Variants in MACROD2 observed in about 807,000 individuals in gnomAD.
The protein encoded by MACROD2 is mono-ADP ribosylhydrolase 2.
In MACROD2, 36 loss-of-function variants were observed where a neutral mutation model predicts 70.4. That is an observed-to-expected ratio of 0.51 (90% CI 0.39 to 0.68). The LOEUF is 0.68. MACROD2 is among the 30% of genes least tolerant of loss of function. The pLI, the probability that MACROD2 is intolerant of heterozygous loss-of-function variation, is 0.00. For missense variants in MACROD2, 496 were observed against 538.4 expected (o/e 0.92, Z 0.78); for synonymous variants, 172 against 178.8 (o/e 0.96, Z 0.30).
In MACROD2 at chr20:16,049,679, A is replaced by C. The variant is rs2067431955; in HGVS notation, c.1301-151A>C. The C allele has an allele frequency of 5.7e-6, 4 of 697,414 alleles. No homozygotes were observed. The Middle Eastern group carries it at 7.6e-4, about 133-fold the overall frequency. The allele number at this position is 697,414 out of a possible 1,614,324, so 43.2% of individuals were successfully genotyped here. On this transcript the variant is annotated intron_variant, in intron 17 of 17. Transcript: ENST00000684519. ...ATGTGCCAGCAATTACAGTTCAGACATCTAAAGCTCTTTGATAGTCAAATA... is the reference window on the plus strand; with the variant it reads ...ATGTGCCAGCAATTACAGTTCAGACCTCTAAAGCTCTTTGATAGTCAAATA...
intron 6 of MACROD2, among the ~76,000 whole-genome samples, chr20:15,317,849 A>G (rs1466588536): frequency 6.6e-6 from 1 of 152,090 alleles, no homozygotes; most frequent in South Asian, 2.1e-4. Flanking sequence ...TGCATTACTC[A>G]GTCTACTAAT....
chr20:14,555,718 C>T (rs1030693162), intron 4 of MACROD2, among the ~76,000 whole-genome samples: 3 of 152,046 alleles, frequency 2.0e-5, no homozygotes, highest in Non-Finnish European at 4.4e-5. Flanking sequence ...TGGGAAAGGG[C>T]ATGGACACTT....
chr20:14,663,155 A>G (rs560111362), intron 4 of MACROD2, among the ~76,000 whole-genome samples: 6 of 152,270 alleles, frequency 3.9e-5, no homozygotes, highest in South Asian at 2.1e-4. Flanking sequence ...TGCAGCCATA[A>G]AAAGAATGGG....
chr20:15,729,139 G>A (rs561685487), intron 8 of MACROD2, among the ~76,000 whole-genome samples: 4 of 151,798 alleles, frequency 2.6e-5, no homozygotes. Flanking sequence ...TTATTTTATT[G>A]TTTACCCAGA....
intron 3 of MACROD2, among the ~76,000 whole-genome samples, chr20:14,208,324 A>G (rs1376129644): frequency 1.3e-5 from 2 of 152,174 alleles, no homozygotes; most frequent in Non-Finnish European, 1.5e-5. Context: ...TATACAGGAA[A>G]TAGTGGATGT....
intron 5 of MACROD2, among the ~76,000 whole-genome samples, chr20:14,962,023 A>T (rs1470107298): frequency 6.6e-6 from 1 of 151,680 alleles, no homozygotes; most frequent in East Asian, 2.0e-4. Context: ...TCTCGCTCAG[A>T]CTGGAGTGCA....
rs1462680889 is a variant in MACROD2 at position 15,541,183 on chromosome 20, T to C, written c.645+41336T>C. 2.6e-5 allele frequency among the ~76,000 whole-genome samples: 4 copies of C among 152,330 alleles called. No homozygotes were observed. The South Asian group carries it at 6.2e-4, about 24-fold the overall frequency. On this transcript the variant is annotated intron_variant, in intron 8 of 17. Transcript: ENST00000684519. ...CTGAGTTTGAGGTACTAAGGGTTCA[T>C]GCAAATAGCAAATATTTCTGGGACT...
At chr20:14,875,334 C>A (rs1229000747) in intron 5 of MACROD2, among the ~76,000 whole-genome samples, 3 of 151,968 alleles carry the variant, frequency 2.0e-5, no homozygotes, top group Non-Finnish European at 4.4e-5. Context: ...TGAGCCCAGA[C>A]TGTGCCATTG....
intron 5 of MACROD2, among the ~76,000 whole-genome samples, chr20:14,939,926 G>A (rs980917570): frequency 1.7e-4 from 26 of 151,660 alleles, no homozygotes; most frequent in African/African-American, 3.4e-4. Context: ...ATATATAAAT[G>A]CTGATAATTT....
chr20:16,033,316 C>T (rs111646972), intron 15 of MACROD2, among the ~76,000 whole-genome samples: 11 of 152,112 alleles, frequency 7.2e-5, no homozygotes, highest in African/African-American at 1.7e-4. Flanking sequence ...AATACAATGC[C>T]GAAAAGCAAC....
intron 5 of MACROD2, among the ~76,000 whole-genome samples, chr20:14,702,542 T>C (rs1234520567): frequency 7.1e-6 from 1 of 141,056 alleles, no homozygotes; most frequent in Non-Finnish European, 1.5e-5. Context: ...ACATTACATA[T>C]GTGTGTGTGT....
In MACROD2 at chr20:15,785,002, A is replaced by T. The variant is rs111464345; in HGVS notation, c.646-77743A>T. On this transcript the variant is annotated intron_variant, in intron 8 of 17. Coordinates refer to ENST00000684519, the MANE Select transcript of MACROD2 (RefSeq NM_001351661.2). ...TCTCTACTAAAAATACAAAAAAAAA[A>T]TTAGCCGGGCATGGTGGCGGGCGCC... Among the ~76,000 whole-genome samples, 145 of 143,438 alleles carry T rather than the reference A, an allele frequency of 1.0e-3. 1 individual carries two copies. Among genetic ancestry groups the T allele is most frequent in the African/African-American group, 3.6e-3 (139 of 38,210 alleles). 94.1% of individuals were successfully genotyped at this position (143,438 alleles called of 152,430 possible).
At chr20:15,874,761 C>G (rs993587491) in intron 9 of MACROD2, among the ~76,000 whole-genome samples, 1 of 152,106 alleles carries the variant, frequency 6.6e-6, no homozygotes, top group Non-Finnish European at 1.5e-5. Context: ...AAATGTCCCC[C>G]ACAAAGATGT....
At chr20:14,669,040 C>A (rs1275610716) in intron 4 of MACROD2, among the ~76,000 whole-genome samples, 1 of 152,056 alleles carries the variant, frequency 6.6e-6, no homozygotes, top group Non-Finnish European at 1.5e-5. Flanking sequence ...TATTGCTTGA[C>A]AAAGTGATCA....
At chr20:15,943,918 T>C (rs1003177376) in intron 12 of MACROD2, among the ~76,000 whole-genome samples, 2 of 152,102 alleles carry the variant, frequency 1.3e-5, no homozygotes, top group South Asian at 4.1e-4. Flanking sequence ...GATTAAACTG[T>C]AGGAAAATAA....
rs11908002 is a variant in MACROD2, at chr20:15,802,229, A to C, written c.646-60516A>C. 6.2e-4 allele frequency among the ~76,000 whole-genome samples: 94 copies of C among 152,192 alleles called. 1 individual carries two copies. Among genetic ancestry groups the C allele is most frequent in the Non-Finnish European group, 1.2e-3 (80 of 68,026 alleles). On this transcript the variant is annotated intron_variant, in intron 8 of 17. Transcript: ENST00000684519. Reference sequence around the variant, plus strand: ...CTGATTGCTCTGGCTAGAAATTCCAATACTATGTTGAATCAGAGTGGTGAA... The same window carrying C: ...CTGATTGCTCTGGCTAGAAATTCCACTACTATGTTGAATCAGAGTGGTGAA...
At chr20:15,191,789 A>G (rs2076572085) in intron 5 of MACROD2, among the ~76,000 whole-genome samples, 1 of 152,166 alleles carries the variant, frequency 6.6e-6, no homozygotes, top group South Asian at 2.1e-4. Flanking sequence ...ATAAAACCCC[A>G]GCTCAAGGAT....
chr20:15,986,621 C>T, intron 13 of MACROD2, 106 bp from the exon 14 acceptor site: 2 of 629,380 alleles, frequency 3.2e-6, no homozygotes, highest in Non-Finnish European at 2.6e-6. Flanking sequence ...CAAAACTGTT[C>T]TCTATCTCTC....
At chr20:14,670,049 T>C (rs1467267291) in intron 4 of MACROD2, among the ~76,000 whole-genome samples, 2 of 152,042 alleles carry the variant, frequency 1.3e-5, no homozygotes, top group Non-Finnish European at 2.9e-5. Context: ...TTTTTTCTTT[T>C]CAAGTAAATT....
Sources: allele counts gnomAD v4.1 joint callset (sites outside exome capture counted in the v4.1 genomes callset), GRCh38; gene constraint gnomAD v4.1.1; transcripts MANE v1.5; gene names NCBI Gene and HGNC (gene_info 2026-07-23, HGNC 2026-07-21).